The following NLGN1 variants were observed in gnomAD, a reference collection of about 807,000 sequenced individuals.
The protein encoded by NLGN1 is neuroligin 1.
In NLGN1, 12 loss-of-function variants were observed where a neutral mutation model predicts 65.5. That is an observed-to-expected ratio of 0.18 (90% CI 0.12 to 0.30). NLGN1 has a LOEUF of 0.30. NLGN1 is among the 10% of genes least tolerant of loss of function. NLGN1 has a pLI of 1.00. For missense variants in NLGN1, 750 were observed against 1,007.1 expected, an observed-to-expected ratio of 0.74 and a Z score of 3.46; for synonymous variants, 350 against 359.5, an observed-to-expected ratio of 0.97 and a Z score of 0.30.
At chr3:174,242,128 A>C (rs1202983165) in intron 4 of NLGN1, among the ~76,000 whole-genome samples, 5 of 152,166 alleles carry the variant, frequency 3.3e-5, no homozygotes, top group African/African-American at 1.2e-4. Context: ...ACTTACCAGC[A>C]GTGTGATTTT....
intron 4 of NLGN1, among the ~76,000 whole-genome samples, chr3:174,211,251 G>C (rs979005160): frequency 6.6e-6 from 1 of 152,206 alleles, no homozygotes; most frequent in Non-Finnish European, 1.5e-5. Context: ...GGCTCTGGCA[G>C]CCTGCTTTTA....
At chr3:173,575,178 C>A (rs1368858345) in intron 2 of NLGN1, among the ~76,000 whole-genome samples, 1 of 151,626 alleles carries the variant, frequency 6.6e-6, no homozygotes, top group Non-Finnish European at 1.5e-5. Context: ...GCACCCAGCT[C>A]CAGTAATTCT....
intron 5 of NLGN1, among the ~76,000 whole-genome samples, 175 bp downstream of exon 5, chr3:174,275,702 T>C (rs1750417195): frequency 6.6e-6 from 1 of 151,876 alleles, no homozygotes; most frequent in African/African-American, 2.4e-5. Context: ...GTCAAACTCT[T>C]TTCTTTGTCT....
chr3:174,027,615 T>C (rs535451680), intron 4 of NLGN1, among the ~76,000 whole-genome samples: 2 of 152,254 alleles, frequency 1.3e-5, no homozygotes, highest in African/African-American at 4.8e-5. Flanking sequence ...ACAAGATATA[T>C]AGTCACACTA....
intron 4 of NLGN1, among the ~76,000 whole-genome samples, chr3:173,861,460 T>C (rs1425093730): frequency 1.3e-5 from 2 of 151,578 alleles, no homozygotes; most frequent in Non-Finnish European, 2.9e-5. Flanking sequence ...TACTTACTTT[T>C]CATACTGATA....
chr3:174,055,808 C>CAATTATTCTGAG (rs1201437686), intron 4 of NLGN1, among the ~76,000 whole-genome samples: 2 of 151,960 alleles, frequency 1.3e-5, no homozygotes, highest in Non-Finnish European at 1.5e-5. Context: ...TAATTGTCAG[C>CAATTATTCTGAG]AATAATCATT....
chr3:173,929,982 G>T (rs1743785027), intron 4 of NLGN1, among the ~76,000 whole-genome samples: 2 of 152,098 alleles, frequency 1.3e-5, no homozygotes, highest in Non-Finnish European at 2.9e-5. Flanking sequence ...GGGATTATAG[G>T]CATAAGCCAC....
At chr3:173,985,166 G>T (rs545559765) in intron 4 of NLGN1, among the ~76,000 whole-genome samples, 1 of 152,232 alleles carries the variant, frequency 6.6e-6, no homozygotes, top group East Asian at 1.9e-4. Flanking sequence ...GAATTATGAC[G>T]ATTTGAAACT....
intron 4 of NLGN1, among the ~76,000 whole-genome samples, chr3:173,924,661 A>T (rs1742693549): frequency 6.6e-6 from 1 of 152,026 alleles, no homozygotes; most frequent in African/African-American, 2.4e-5. Flanking sequence ...ATTCAATTAG[A>T]TACAAATAAA....
chr3:173,544,682 TAAAA>T (rs576334844), intron 2 of NLGN1, among the ~76,000 whole-genome samples: 27 of 152,028 alleles, frequency 1.8e-4, no homozygotes, highest in African/African-American at 6.5e-4. Context: ...AAAAATAAGT[TAAAA>T]AAAGATTTGG....
In NLGN1 at chr3:174,068,938, C is replaced by T. The variant is rs1417262329; in HGVS notation, c.647-206377C>T. Among the ~76,000 whole-genome samples the T allele has an allele frequency of 2.6e-5, 4 of 152,168 alleles. No individual in the cohort carries two copies. In the South Asian group the frequency reaches 8.3e-4, roughly 32 times the overall value. Reference sequence around the variant, plus strand: ...GTAATTCTAGAGATTTATTTAACACCTGTAACATGCCACGTGAGAGAAATG... The same window carrying T: ...GTAATTCTAGAGATTTATTTAACACTTGTAACATGCCACGTGAGAGAAATG... On this transcript the variant is annotated intron_variant, in intron 4 of 6. Coordinates refer to ENST00000457714, the Ensembl canonical transcript of NLGN1.
chr3:174,083,105 C>G lies in NLGN1; in HGVS notation c.647-192210C>G, dbSNP rs911146373. On this transcript the variant is annotated intron_variant, in intron 4 of 6. Transcript: ENST00000457714. ...TATGTTCTTAAATAACATATTAGAT[C>G]TAATAAATGAAATAAATATCAGACA... Among the ~76,000 whole-genome samples the G allele has an allele frequency of 9.9e-5, 15 of 151,948 alleles. No homozygotes were observed. The East Asian group carries it at 2.5e-3, about 25-fold the overall frequency.
intron 4 of NLGN1, among the ~76,000 whole-genome samples, chr3:174,019,303 TATG>T (rs1433776194): frequency 6.6e-6 from 1 of 152,142 alleles, no homozygotes; most frequent in East Asian, 1.9e-4. Flanking sequence ...TAATATGAAA[TATG>T]TTCATCAAAA....
intron 3 of NLGN1, 100 bp downstream of exon 2, chr3:173,605,191 T>C: frequency 1.0e-6 from 1 of 985,380 alleles, no homozygotes; most frequent in Non-Finnish European, 1.5e-6. Flanking sequence ...TATGCATGGC[T>C]TTTCCTGTTG....
intron 1 of NLGN1, among the ~76,000 whole-genome samples, chr3:173,415,939 A>AGCGAGCGAGC (rs532760228): frequency 5.7e-5 from 7 of 123,190 alleles, no homozygotes; most frequent in Admixed American, 3.3e-4. Flanking sequence ...AGAGAGAGAG[A>AGCGAGCGAGC]GAGAGCTTGG....
At chr3:173,917,500 C>G (rs1456198220) in intron 4 of NLGN1, among the ~76,000 whole-genome samples, 1 of 152,112 alleles carries the variant, frequency 6.6e-6, no homozygotes, top group Admixed American at 6.5e-5. Context: ...GATACTGATA[C>G]TTTTCTTAAG....
intron 4 of NLGN1, among the ~76,000 whole-genome samples, chr3:173,858,328 A>G (rs1425079130): frequency 2.0e-5 from 3 of 152,070 alleles, no homozygotes; most frequent in East Asian, 3.8e-4. Flanking sequence ...CCCTAAATCC[A>G]TACACCAGAC....
At chr3:173,822,353 T>G (rs1720490097) in intron 4 of NLGN1, among the ~76,000 whole-genome samples, 2 of 152,084 alleles carry the variant, frequency 1.3e-5, no homozygotes, top group Admixed American at 1.3e-4. Context: ...GCAGGGGTGA[T>G]TAATAAGTAA....
intron 2 of NLGN1, among the ~76,000 whole-genome samples, chr3:173,543,651 A>G (rs1424429861): frequency 1.3e-5 from 2 of 152,150 alleles, no homozygotes; most frequent in East Asian, 3.8e-4. Context: ...CAGTAACCAA[A>G]GAACCTTGGA....
Sources: allele counts gnomAD v4.1 joint callset (sites outside exome capture counted in the v4.1 genomes callset), GRCh38; gene constraint gnomAD v4.1.1; transcripts MANE v1.5; gene names NCBI Gene and HGNC (gene_info 2026-07-23, HGNC 2026-07-21).